The following NRXN1 variants were observed in gnomAD, a reference collection of about 807,000 sequenced individuals.
NRXN1 encodes the protein neurexin 1.
A neutral mutation model predicts 150.9 loss-of-function variants in NRXN1; 39 were observed. That is an observed-to-expected ratio of 0.26 (90% CI 0.20 to 0.34). The LOEUF is 0.34. Ranked by LOEUF, NRXN1 falls within the 10% of genes least tolerant of loss-of-function variation. The pLI is 1.00. For synonymous variants in NRXN1, 924 were observed against 757.0 expected (o/e 1.22, Z -3.62); for missense variants, 1,815 against 1,949.9 (o/e 0.93, Z 1.30).
At chr2:49,973,607 A>C (rs1254185480) in intron 21 of NRXN1, among the ~76,000 whole-genome samples, 1 of 149,612 alleles carries the variant, frequency 6.7e-6, no homozygotes, top group Admixed American at 6.7e-5. Flanking sequence ...ACATATATAC[A>C]TACATATGCA....
rs1438004842 is a variant in NRXN1 at position 51,028,564 on chromosome 2, G to C, written c.-291C>G. On this transcript the variant is annotated 5_prime_UTR_variant, in exon 2 of 23. Transcript: ENST00000401669. ...GGATGCACTTTGGAGACAACGTTCTGGAAAAGGCTTCAACAAAAGATCAAG... is the reference window on the plus strand; with the variant it reads ...GGATGCACTTTGGAGACAACGTTCTCGAAAAGGCTTCAACAAAAGATCAAG... The C allele has an allele frequency of 8.6e-6, 3 of 346,906 alleles. No homozygotes were observed. The highest frequency in any genetic ancestry group is 4.4e-5 in the Admixed American group (1 of 22,770). The allele number at this position is 346,906 out of a possible 1,614,324, so 21.5% of individuals were successfully genotyped here.
chr2:50,304,126 T>C lies in NRXN1; in HGVS notation c.3365-67156A>G, dbSNP rs2074404967. 2.0e-5 allele frequency among the ~76,000 whole-genome samples: 3 copies of C among 152,340 alleles called. No homozygotes were observed. The South Asian group carries it at 6.2e-4, about 32-fold the overall frequency. On this transcript the variant is annotated intron_variant, in intron 17 of 22. Coordinates refer to ENST00000401669, the MANE Select transcript of NRXN1 (RefSeq NM_001330078.2). ...AAAAGGTATGGCATATTTAGAAGGC[T>C]AGTTACACTCATCATAACAACAGAA...
At chr2:50,499,042 T>C (rs6545175) in intron 13 of NRXN1, among the ~76,000 whole-genome samples, 132,456 of 152,194 alleles carry the variant, frequency 0.87, 58,006 homozygotes, top group African/African-American at 0.95. Flanking sequence ...GTGTCCCCTT[T>C]GGCCAGTTTG....
intron 5 of NRXN1, among the ~76,000 whole-genome samples, chr2:50,626,661 A>G (rs1219759072): frequency 6.6e-6 from 1 of 151,952 alleles, no homozygotes; most frequent in African/African-American, 2.4e-5. Flanking sequence ...CAATCTGTGA[A>G]AACTTGTCAG....
chr2:50,479,562 T>A (rs1042481639), intron 15 of NRXN1, among the ~76,000 whole-genome samples: 7 of 152,176 alleles, frequency 4.6e-5, no homozygotes, highest in African/African-American at 1.7e-4. Context: ...CATTTTCACT[T>A]AGTAAGCATT....
intron 18 of NRXN1, among the ~76,000 whole-genome samples, chr2:50,201,900 C>T (rs756962777): frequency 6.6e-6 from 1 of 152,162 alleles, no homozygotes; most frequent in Admixed American, 6.5e-5. Flanking sequence ...TTTTGTATTT[C>T]TCCTTTTCCT....
intron 2 of NRXN1, among the ~76,000 whole-genome samples, chr2:50,972,852 G>A (rs926878727): frequency 6.6e-6 from 1 of 152,176 alleles, no homozygotes; most frequent in Non-Finnish European, 1.5e-5. Context: ...TTCTCTGGGG[G>A]TTGGGAACCC....
chr2:50,918,567 C>T (rs1685545707), intron 5 of NRXN1: 2 of 373,408 alleles, frequency 5.4e-6, no homozygotes, highest in Non-Finnish European at 9.6e-6. Context: ...GCTATTATGG[C>T]TTGATTTTCA....
Position 50,347,584 on chromosome 2 carries a change from G to A in NRXN1, c.3365-110614C>T. 9.8e-7 allele frequency: 1 copy of A among 1,015,364 alleles called. No homozygotes were observed. Among genetic ancestry groups the A allele is most frequent in the South Asian group, 3.7e-5 (1 of 27,330 alleles). The allele number at this position is 1,015,364 out of a possible 1,614,324, so 62.9% of individuals were successfully genotyped here. A position where few individuals can be genotyped will look rare whatever the true frequency, so the allele number is the denominator to read the frequency against. On this transcript the variant is annotated intron_variant, in intron 17 of 22. Transcript: ENST00000401669. The surrounding 1 kb of genome is among the most constrained non-coding windows in gnomAD (Gnocchi z 4.9). ...GCGGCGCGCATCGCCTGCTCCCGAG[G>A]CAATCTCCGCGTCCGCCGCCTCCTG... is the stretch of plus-strand genomic sequence containing the variant.
rs188449181 is a variant in NRXN1, at chr2:50,512,199, G to A, written c.2375-5582C>T. Among the ~76,000 whole-genome samples the A allele has an allele frequency of 3.9e-3, 600 of 152,236 alleles. 6 individuals are homozygous for A. Among genetic ancestry groups the A allele is most frequent in the African/African-American group, 0.014 (575 of 41,548 alleles). On this transcript the variant is annotated intron_variant, in intron 12 of 22. Coordinates refer to ENST00000401669, the MANE Select transcript of NRXN1 (RefSeq NM_001330078.2). ...ATAGTGAATATCTCTAATGGTGCAA[G>A]CTTTTTATTTTTATTATTACTGTTA...
At chr2:50,969,205 T>C (rs1694607828) in intron 2 of NRXN1, among the ~76,000 whole-genome samples, 1 of 152,156 alleles carries the variant, frequency 6.6e-6, no homozygotes, top group Admixed American at 6.6e-5. Flanking sequence ...GTTTTTATTT[T>C]CTGCGGAGCA....
At chr2:50,915,750 T>C (rs963205115) in intron 5 of NRXN1, among the ~76,000 whole-genome samples, 1 of 151,338 alleles carries the variant, frequency 6.6e-6, no homozygotes, top group Non-Finnish European at 1.5e-5. Context: ...TTTAAAATCA[T>C]TTAATCCAAA....
chr2:50,772,824 A>C (rs1268119646), intron 5 of NRXN1, among the ~76,000 whole-genome samples: 1 of 152,044 alleles, frequency 6.6e-6, no homozygotes, highest in Non-Finnish European at 1.5e-5. Flanking sequence ...CCCTTTCTGT[A>C]GGACGTATTT....
chr2:50,790,789 G>C lies in NRXN1; in HGVS notation c.832+131080C>G, dbSNP rs78157098. ...TGAGCAGAAAAGATATATCACAAAT[G>C]AGGATGACTGGGAGGGTTTTCTTCC... On this transcript the variant is annotated intron_variant, in intron 5 of 22. Coordinates refer to ENST00000401669, the MANE Select transcript of NRXN1 (RefSeq NM_001330078.2). Among the ~76,000 whole-genome samples the C allele has an allele frequency of 7.6e-3, 1,159 of 152,198 alleles. 33 individuals are homozygous for C. The East Asian group carries it at 0.099, about 13-fold the overall frequency.
At chr2:49,936,091 T>A (rs1339837968) in intron 22 of NRXN1, among the ~76,000 whole-genome samples, 1 of 152,240 alleles carries the variant, frequency 6.6e-6, no homozygotes, top group Non-Finnish European at 1.5e-5. Flanking sequence ...TATGCTGTAC[T>A]CACTACTGAA....
intron 8 of NRXN1, chr2:50,615,643 T>C (rs1678939858): frequency 6.6e-6 from 1 of 152,158 alleles, no homozygotes; most frequent in South Asian, 2.1e-4. Context: ...TTTTCATCTA[T>C]CTTTAAAGAT....
At chr2:50,755,724 T>C (rs1034055432) in intron 5 of NRXN1, among the ~76,000 whole-genome samples, 2 of 151,842 alleles carry the variant, frequency 1.3e-5, no homozygotes, top group African/African-American at 2.4e-5. Context: ...GATCACACTT[T>C]ACATTTAAAC....
intron 18 of NRXN1, among the ~76,000 whole-genome samples, chr2:50,174,370 TA>T (rs1356224100): frequency 6.6e-6 from 1 of 152,084 alleles, no homozygotes; most frequent in African/African-American, 2.4e-5. Context: ...AAGGTTTATT[TA>T]AAAAAATAAA....
intron 5 of NRXN1, among the ~76,000 whole-genome samples, chr2:50,711,599 G>C (rs894820990): frequency 2.4e-4 from 37 of 151,984 alleles, no homozygotes; most frequent in Non-Finnish European, 8.8e-5. Context: ...GCCTCCCAAA[G>C]TGCTGGGATT....
Sources: allele counts gnomAD v4.1 joint callset (sites outside exome capture counted in the v4.1 genomes callset), GRCh38; gene constraint gnomAD v4.1.1; non-coding constraint Gnocchi (gnomAD v3.1); transcripts MANE v1.5; gene names NCBI Gene and HGNC (gene_info 2026-07-23, HGNC 2026-07-21).